Variants in COL6A1 observed in about 807,000 individuals in gnomAD.
The protein encoded by COL6A1 is collagen type VI alpha 1 chain, also known as collagen alpha-1(VI) chain.
Under a neutral mutation model 145.6 loss-of-function variants are expected in COL6A1, and 80 were observed. That is an observed-to-expected ratio of 0.55 (90% CI 0.46 to 0.66). COL6A1 has a LOEUF of 0.66. COL6A1 is among the 30% of genes least tolerant of loss of function. The pLI is 0.00. For missense variants in COL6A1, 1,364 were observed against 1,473.8 expected, an observed-to-expected ratio of 0.93 and a Z score of 1.22; for synonymous variants, 638 against 622.8, an observed-to-expected ratio of 1.02 and a Z score of -0.36.
intron 15 of COL6A1, 83 bp downstream of exon 15, chr21:45,991,124 C>A: frequency 6.7e-7 from 1 of 1,488,992 alleles, no homozygotes; most frequent in Non-Finnish European, 9.3e-7. Flanking sequence ...GGAAGCAAGT[C>A]CTGGTCCGAG....
intron 24 of COL6A1, 128 bp downstream of exon 24, chr21:45,998,561 G>A (rs979386482): frequency 1.1e-5 from 14 of 1,288,616 alleles, no homozygotes; most frequent in Non-Finnish European, 1.5e-5. Context: ...AGGCACCCAC[G>A]GCTGCCCCAC....
chr21:46,003,210 C>T lies in COL6A1; in HGVS notation c.2464+61C>T, dbSNP rs1022341097. On this transcript the variant is annotated intron_variant, in intron 34 of 34. Coordinates refer to ENST00000361866, the MANE Select transcript of COL6A1 (RefSeq NM_001848.3). ...GGGCACCGTGGTTGGGGCGAGGGCTCTGAGAGGACGGGGCTCTGGGAGGAG... is the reference window on the plus strand; with the variant it reads ...GGGCACCGTGGTTGGGGCGAGGGCTTTGAGAGGACGGGGCTCTGGGAGGAG... The T allele has an allele frequency of 3.7e-6, 6 of 1,612,446 alleles. No homozygotes were observed. In the African/African-American group the frequency reaches 8.0e-5, roughly 22 times the overall value.
rs369802454 is a variant in COL6A1 at position 45,998,950 on chromosome 21, C to T, written c.1665C>T (p.Pro555=). 2.5e-4 allele frequency: 391 copies of T among 1,553,940 alleles called. 1 individual carries two copies. Among genetic ancestry groups the T allele is most frequent in the Non-Finnish European group, 3.2e-4 (369 of 1,148,314 alleles). Reference sequence around the variant, plus strand: ...GGGACGAGGGAGAAGCCGGGGACCCCGGAGACGATGTAAGTGTGGATGGGA... The same window carrying T: ...GGGACGAGGGAGAAGCCGGGGACCCTGGAGACGATGTAAGTGTGGATGGGA... ...LKGDEGEAGD[P]GDDNNDIAPR... is the part of the protein sequence containing the mutation. Residue 555 remains proline (P), a synonymous_variant, in exon 25 of 35, where the codon CCC becomes CCT. Transcript: ENST00000361866.
intron 22 of COL6A1, 99 bp from the exon 23 acceptor site, chr21:45,998,022 G>A (rs780490297): frequency 7.5e-6 from 11 of 1,466,662 alleles, no homozygotes; most frequent in African/African-American, 2.8e-5. Context: ...CTGGGCTGAC[G>A]GAGGGGCCCT....
At chr21:45,990,184 CG>C in intron 11 of COL6A1, 73 bp from the exon 12 acceptor site, 1 of 1,581,578 alleles carries the variant, frequency 6.3e-7, no homozygotes, top group Non-Finnish European at 8.7e-7. Context: ...CCCTGCCTCG[CG>C]TGGGCCTAAG....
chr21:46,001,397 G>A lies in COL6A1; in HGVS notation c.1956+11G>A, dbSNP rs373915808. 6.4e-5 allele frequency: 103 copies of A among 1,609,190 alleles called. No individual in the cohort carries two copies. Among genetic ancestry groups the A allele is most frequent in the Non-Finnish European group, 7.9e-5 (93 of 1,179,678 alleles). ...GACGAGCTGGTCAAGGTGAGGCCTC[G>A]CCCCGCCCGGCTTTCTCAAGCCCAG... is the stretch of plus-strand genomic sequence containing the variant. On this transcript the variant is annotated intron_variant, in intron 30 of 34. Coordinates refer to ENST00000361866, the MANE Select transcript of COL6A1 (RefSeq NM_001848.3).
At position 46,004,659 on chromosome 21, in the gene COL6A1, C is replaced by G. The variant is rs1002995108; in HGVS notation, c.*646C>G. On this transcript the variant is annotated 3_prime_UTR_variant, in exon 35 of 35. Transcript: ENST00000361866. Reference sequence around the variant, plus strand: ...CAGACATAAATCTCGGCGACTCGGCCCCGTCTCCTGAGGGTCCTGCTGGTG... The same window carrying G: ...CAGACATAAATCTCGGCGACTCGGCGCCGTCTCCTGAGGGTCCTGCTGGTG... 3 of 444,142 alleles carry G rather than the reference C, an allele frequency of 6.8e-6. No homozygotes were observed. Among genetic ancestry groups the G allele is most frequent in the African/African-American group, 6.0e-5 (3 of 49,692 alleles). 27.5% of individuals were successfully genotyped at this position (444,142 alleles called of 1,614,324 possible).
chr21:46,004,137 G>A lies in COL6A1; in HGVS notation c.*124G>A, dbSNP rs1170049327. 15 of 1,369,836 alleles carry A rather than the reference G, an allele frequency of 1.1e-5. No individual in the cohort carries two copies. Among genetic ancestry groups the A allele is most frequent in the African/African-American group, 1.4e-5 (1 of 70,056 alleles). 84.9% of individuals were successfully genotyped at this position (1,369,836 alleles called of 1,614,324 possible). On this transcript the variant is annotated 3_prime_UTR_variant, in exon 35 of 35. Coordinates refer to ENST00000361866, the MANE Select transcript of COL6A1 (RefSeq NM_001848.3). ...TTCGCTAGATTTTTTTTAAGGAAAA[G>A]CTTGGAAAGCCAGGACACAACGCTG... is the stretch of plus-strand genomic sequence containing the variant.
chr21:45,989,738 C>T lies in COL6A1; in HGVS notation c.904-14C>T, dbSNP rs750477138. On this transcript the variant is annotated splice_polypyrimidine_tract_variant and intron_variant, in intron 10 of 34. Coordinates refer to ENST00000361866, the MANE Select transcript of COL6A1 (RefSeq NM_001848.3). ...ACAAGCCTTCCTCTTCCTCTTCTTC[C>T]GCTGGGTGTGTAGGGAGAAAAAGGG... 16 of 1,612,922 alleles carry T rather than the reference C, an allele frequency of 9.9e-6. No homozygotes were observed. The highest frequency in any genetic ancestry group is 5.0e-5 in the Admixed American group (3 of 60,012).
intron 22 of COL6A1, 21 bp downstream of exon 22, chr21:45,997,783 G>GC (rs2077814547): frequency 6.4e-7 from 1 of 1,568,476 alleles, no homozygotes; most frequent in Non-Finnish European, 8.6e-7. Flanking sequence ...AACAGCTCGG[G>GC]CCCTAGGGCG....
chr21:45,990,404 C>T lies in COL6A1; in HGVS notation c.984C>T (p.Asp328=), dbSNP rs781038607. The change falls in exon 13 of 35, where the codon GAC becomes GAT. Residue 328 remains aspartate (D), a synonymous_variant. Transcript: ENST00000361866. ...GAGAGAAGGGCAAGCGTGGCATCGA[C>T]GGGGTGGACGGCGTGAAGGTGACTG... is the stretch of plus-strand genomic sequence containing the variant. The part of the protein sequence containing the change: ...YKGEKGKRGI[D]GVDGVKGEMG... 2.5e-4 allele frequency: 271 copies of T among 1,091,068 alleles called. No individual in the cohort carries two copies. The highest frequency in any genetic ancestry group is 4.6e-4 in the East Asian group (5 of 10,802). The allele number at this position is 1,091,068 out of a possible 1,614,324, so 67.6% of individuals were successfully genotyped here. A position where few individuals can be genotyped will look rare whatever the true frequency, so the allele number is the denominator to read the frequency against.
At chr21:46,002,867 T>C (rs571769096) in intron 33 of COL6A1, among the ~76,000 whole-genome samples, 157 bp downstream of exon 33, 8 of 150,220 alleles carry the variant, frequency 5.3e-5, no homozygotes, top group African/African-American at 9.8e-5. Context: ...CCCAGATCTG[T>C]GTAGGTGCGC....
chr21:45,998,846 C>T (rs2077821721), intron 24 of COL6A1, 51 bp from the exon 25 acceptor site: 1 of 1,543,546 alleles, frequency 6.5e-7, no homozygotes, highest in Non-Finnish European at 8.8e-7. Context: ...TTTCCACTTC[C>T]TAAAAACAAA....
At chr21:45,983,063 G>A (rs2123460798) in intron 2 of COL6A1, among the ~76,000 whole-genome samples, 1 of 151,098 alleles carries the variant, frequency 6.6e-6, no homozygotes, top group Non-Finnish European at 1.5e-5. Context: ...GAGATGTAGG[G>A]AAGAGAGGCT....
chr21:46,003,740 G>A lies in COL6A1; in HGVS notation c.2814G>A (p.Arg938=), dbSNP rs2077863744. The change falls in exon 35 of 35, where the codon AGG becomes AGA. Residue 938 remains arginine (R), a synonymous_variant. Transcript: ENST00000361866. ...REASSGAAKK[R]LLLFSDGNSQ... ...CCTCGTCCGGCGCTGCCAAGAAGAGGCTGCTGCTCTTCTCAGATGGCAACT... is the reference window on the plus strand; with the variant it reads ...CCTCGTCCGGCGCTGCCAAGAAGAGACTGCTGCTCTTCTCAGATGGCAACT... 1.2e-6 allele frequency: 2 copies of A among 1,612,804 alleles called. No homozygotes were observed. Among genetic ancestry groups the A allele is most frequent in the Admixed American group, 1.7e-5 (1 of 59,988 alleles).
At chr21:45,991,132 G>T (rs117529466) in intron 15 of COL6A1, 91 bp downstream of exon 15, 1 of 1,427,416 alleles carries the variant, frequency 7.0e-7, no homozygotes, top group South Asian at 1.2e-5. Context: ...GTCCTGGTCC[G>T]AGCATGTCGG....
intron 9 of COL6A1, 99 bp from the exon 10 acceptor site, chr21:45,989,509 G>T: frequency 7.8e-7 from 1 of 1,279,556 alleles, no homozygotes; most frequent in South Asian, 1.2e-5. Context: ...CTCTCGGCCT[G>T]ACCAGGCCTG....
At chr21:45,999,402 G>T in intron 26 of COL6A1, 184 bp downstream of exon 26, 1 of 758,378 alleles carries the variant, frequency 1.3e-6, no homozygotes, top group Non-Finnish European at 2.2e-6. Flanking sequence ...GGTGGCCAGG[G>T]CAGCAGAGCC....
At chr21:45,993,874 T>C (rs981293634) in intron 19 of COL6A1, among the ~76,000 whole-genome samples, 15 of 152,156 alleles carry the variant, frequency 9.9e-5, no homozygotes, top group African/African-American at 3.6e-4. Flanking sequence ...CTACAAACAC[T>C]TGCCGGGTCC....
Sources: gnomAD v4.1 joint callset for allele counts (sites outside exome capture counted in the v4.1 genomes callset) on GRCh38, gnomAD v4.1.1 for gene constraint, MANE v1.5 for transcripts, NCBI Gene and HGNC (gene_info 2026-07-23, HGNC 2026-07-21) for gene names.